EDC4: variants seen among roughly 807,000 people sequenced by gnomAD.
The protein encoded by EDC4 is enhancer of mRNA-decapping protein 4.
In EDC4, 64 loss-of-function variants were observed where a neutral mutation model predicts 155.8. The observed-to-expected ratio is 0.41, with a 90% CI of 0.34 to 0.51. The LOEUF is 0.51. Among genes scored for constraint, EDC4 ranks in the 20% least tolerant of loss-of-function variants. The pLI, the probability that EDC4 is intolerant of heterozygous loss-of-function variation, is 0.19. For missense variants in EDC4, 1,303 were observed against 1,812.5 expected (o/e 0.72, Z 5.10); for synonymous variants, 684 against 716.8 (o/e 0.95, Z 0.73).
Position 67,878,401 on chromosome 16 carries a change from C to G in EDC4, c.1046C>G (p.Ser349Cys). The change falls in exon 9 of 29, where the codon TCC (serine) becomes TGC (cysteine). Residue 349 changes from serine to cysteine, a missense_variant. This residue lies in a region of EDC4 where 235 missense variants were observed against 367.7 expected (regional missense o/e 0.64). Coordinates refer to ENST00000358933, the MANE Select transcript of EDC4 (RefSeq NM_014329.5). This position sits in a 1 kb window ranked among gnomAD's most constrained non-coding sequence, Gnocchi z 5.2. ...AAACCTCATGATGGGCGGCCCCTCT[C>G]CTGCCTCCTGTTCTGTGACAACCAT... ...EWKPHDGRPL[S>C]CLLFCDNHKK... 2 of 1,614,218 alleles carry G rather than the reference C, an allele frequency of 1.2e-6. No individual in the cohort carries two copies. Among genetic ancestry groups the G allele is most frequent in the Non-Finnish European group, 1.7e-6 (2 of 1,180,036 alleles).
rs2058066328 is a variant in EDC4, at chr16:67,881,198, C to A, written c.2636+18C>A. On this transcript the variant is annotated intron_variant, in intron 19 of 28. Transcript: ENST00000358933. The surrounding 1 kb of genome is among the most constrained non-coding windows in gnomAD (Gnocchi z 5.4). ...GAGCAAAGGTGGGAGCCACTCTACA[C>A]CATTGCCCTCATGGGGGGATGGGCA... 12 of 1,614,110 alleles carry A rather than the reference C, an allele frequency of 7.4e-6. No homozygotes were observed. The highest frequency in any genetic ancestry group is 1.0e-5 in the Non-Finnish European group (12 of 1,180,018).
At position 67,877,588 on chromosome 16, in the gene EDC4, A is replaced by C; in HGVS notation, c.721A>C (p.Ile241Leu). ...TCGCAGGATCATCTGGTGCCCCTTC[A>C]TCCCTGAGGAGAGCGAAGACTGCTG... ...HFRRIIWCPFIPEESEDCCEE... is the reference protein window; with the variant it reads ...HFRRIIWCPFLPEESEDCCEE... Residue 241 changes from isoleucine to leucine, a missense_variant, in exon 6 of 29, where the codon ATC (isoleucine) becomes CTC (leucine). By Grantham distance (5) the Ile-to-Leu change is conservative (BLOSUM62 2). Around this residue, in one of 5 missense-constraint regions of EDC4, gnomAD observed 235 missense variants for 367.7 expected, o/e 0.64. Transcript: ENST00000358933. This position sits in a 1 kb window ranked among gnomAD's most constrained non-coding sequence, Gnocchi z 4.9. 1 of 1,614,198 alleles carries C rather than the reference A, an allele frequency of 6.2e-7. No homozygotes were observed. Among genetic ancestry groups the C allele is most frequent in the Non-Finnish European group, 8.5e-7 (1 of 1,180,034 alleles).
intron 1 of EDC4, 57 bp from the exon 2 acceptor site, chr16:67,875,888 G>GGAGA: frequency 6.3e-7 from 1 of 1,576,332 alleles, no homozygotes. Flanking sequence ...CTCTGAAAGG[G>GGAGA]GAGAGGCTTG....
Position 67,877,699 on chromosome 16 carries a change from G to A in EDC4, c.790-42G>A, listed in dbSNP as rs1044023927. ...GCGAAGAGGCGCCAGAGAAGCCATA[G>A]TGTGGGGTTGGGCTGCACACTCACC... On this transcript the variant is annotated intron_variant, in intron 6 of 28. Coordinates refer to ENST00000358933, the MANE Select transcript of EDC4 (RefSeq NM_014329.5). The surrounding 1 kb of genome is among the most constrained non-coding windows in gnomAD (Gnocchi z 4.9). The A allele has an allele frequency of 3.7e-6, 6 of 1,614,040 alleles. No homozygotes were observed. Among genetic ancestry groups the A allele is most frequent in the African/African-American group, 2.7e-5 (2 of 74,942 alleles).
At position 67,882,038 on chromosome 16, in the gene EDC4, C is replaced by T. The variant is rs1213062384; in HGVS notation, c.3089C>T (p.Ala1030Val). Reference sequence around the variant, plus strand: ...CAGCTGACACAACAGTTGTCCCAAGCACTGTCGTCAGCTGTAGCTGGGCGG... The same window carrying T: ...CAGCTGACACAACAGTTGTCCCAAGTACTGTCGTCAGCTGTAGCTGGGCGG... ...QEQLTQQLSQ[A>V]LSSAVAGRLE... The change falls in exon 23 of 29, where the codon GCA (alanine) becomes GTA (valine). Residue 1030 changes from alanine to valine, a missense_variant. This residue lies in a region of EDC4 where 527 missense variants were observed against 757.0 expected (regional missense o/e 0.70). Transcript: ENST00000358933. The surrounding 1 kb of genome is among the most constrained non-coding windows in gnomAD (Gnocchi z 7.2). 2.5e-6 allele frequency: 4 copies of T among 1,613,000 alleles called. No homozygotes were observed. The highest frequency in any genetic ancestry group is 3.4e-6 in the Non-Finnish European group (4 of 1,179,722).
At position 67,876,611 on chromosome 16, in the gene EDC4, G is replaced by A; in HGVS notation, c.351+12G>A. 2 of 1,613,782 alleles carry A rather than the reference G, an allele frequency of 1.2e-6. No individual in the cohort carries two copies. The highest frequency in any genetic ancestry group is 3.3e-5 in the Admixed American group (2 of 59,968). ...GGGGAAGCAACAAGGTAGGTACTGG[G>A]ATGCTGTGGCATATATAATGTACGG... On this transcript the variant is annotated intron_variant, in intron 3 of 28. Transcript: ENST00000358933. The surrounding 1 kb of genome is among the most constrained non-coding windows in gnomAD (Gnocchi z 5.8).
rs758962341 is a variant in EDC4 at position 67,880,508 on chromosome 16, C to G, written c.2098-49C>G. ...AATGCCTCGTCTCTGTGCCCCCCAT[C>G]TCTGCCTCACTTCCTGTCACTTAAG... On this transcript the variant is annotated intron_variant, in intron 17 of 28. Coordinates refer to ENST00000358933, the MANE Select transcript of EDC4 (RefSeq NM_014329.5). The surrounding 1 kb of genome is among the most constrained non-coding windows in gnomAD (Gnocchi z 5.2). 6.3e-7 allele frequency: 1 copy of G among 1,592,750 alleles called. No individual in the cohort carries two copies. Among genetic ancestry groups the G allele is most frequent in the Admixed American group, 1.7e-5 (1 of 59,132 alleles).
Position 67,878,821 on chromosome 16 carries a change from C to G in EDC4, c.1269C>G (p.Leu423=). Residue 423 remains leucine (L), a synonymous_variant, in exon 11 of 29, where the codon CTC becomes CTG. Coordinates refer to ENST00000358933, the MANE Select transcript of EDC4 (RefSeq NM_014329.5). This position sits in a 1 kb window ranked among gnomAD's most constrained non-coding sequence, Gnocchi z 5.2. The part of the protein sequence containing the change: ...CLDLSAEYLI[L]SDVQRKVLYV... ...ACCTCTCAGCAGAATACCTGATTCT[C>G]AGCGATGTGCAACGGAAGGTAGGCT... 1 of 1,613,912 alleles carries G rather than the reference C, an allele frequency of 6.2e-7. No homozygotes were observed. The highest frequency in any genetic ancestry group is 8.5e-7 in the Non-Finnish European group (1 of 1,180,028).
In EDC4 at chr16:67,877,611, C is replaced by T; in HGVS notation, c.744C>T (p.Cys248=). 2 of 1,614,204 alleles carry T rather than the reference C, an allele frequency of 1.2e-6. No homozygotes were observed. The highest frequency in any genetic ancestry group is 1.7e-6 in the Non-Finnish European group (2 of 1,180,034). Residue 248 remains cysteine, a synonymous_variant, in exon 6 of 29, where the codon TGC becomes TGT. Coordinates refer to ENST00000358933, the MANE Select transcript of EDC4 (RefSeq NM_014329.5). The surrounding 1 kb of genome is among the most constrained non-coding windows in gnomAD (Gnocchi z 4.9). The part of the protein sequence containing the change: ...CPFIPEESED[C]CEESSPTVAL... Reference sequence around the variant, plus strand: ...TCATCCCTGAGGAGAGCGAAGACTGCTGTGAGGAGAGCAGCCCAACAGTGG... The same window carrying T: ...TCATCCCTGAGGAGAGCGAAGACTGTTGTGAGGAGAGCAGCCCAACAGTGG...
chr16:67,878,351 T>C lies in EDC4; in HGVS notation c.1005-9T>C, dbSNP rs778018530. ...CACTCACTCAGGCCCCTCATCTGCC[T>C]ACCTGCAGGTGTCTGCACGAGTGGA... On this transcript the variant is annotated splice_polypyrimidine_tract_variant and intron_variant, in intron 8 of 28. Transcript: ENST00000358933. The surrounding 1 kb of genome is among the most constrained non-coding windows in gnomAD (Gnocchi z 5.2). The C allele has an allele frequency of 1.2e-6, 2 of 1,614,230 alleles. No homozygotes were observed. The highest frequency in any genetic ancestry group is 3.3e-5 in the Admixed American group (2 of 60,026).
Position 67,882,075 on chromosome 16 carries a change from C to T in EDC4, c.3126C>T (p.Ser1042=). The T allele has an allele frequency of 6.2e-7, 1 of 1,613,766 alleles. No individual in the cohort carries two copies. Residue 1042 remains serine (S), a synonymous_variant, in exon 23 of 29, where the codon AGC becomes AGT. Coordinates refer to ENST00000358933, the MANE Select transcript of EDC4 (RefSeq NM_014329.5). This position sits in a 1 kb window ranked among gnomAD's most constrained non-coding sequence, Gnocchi z 7.2. ...SSAVAGRLER[S]IRDEIKKTVP... is the part of the protein sequence containing the mutation. ...CTGTAGCTGGGCGGCTAGAGCGCAG[C>T]ATACGGGATGAGATCAAGAAGACAG...
chr16:67,884,419 A>G lies in EDC4; in HGVS notation c.*271A>G, dbSNP rs1361233358. On this transcript the variant is annotated 3_prime_UTR_variant, in exon 29 of 29. Coordinates refer to ENST00000358933, the MANE Select transcript of EDC4 (RefSeq NM_014329.5). This position sits in a 1 kb window ranked among gnomAD's most constrained non-coding sequence, Gnocchi z 4.1. ...TGACACCACTTGAGTGGAATTTTCC[A>G]TGTTCCTTTTTACCTCTAATTTGGA... 3 of 540,414 alleles carry G rather than the reference A, an allele frequency of 5.6e-6. No homozygotes were observed. Among genetic ancestry groups the G allele is most frequent in the South Asian group, 5.2e-5 (2 of 38,418 alleles). The allele number at this position is 540,414 out of a possible 1,614,324, so 33.5% of individuals were successfully genotyped here. A position where few individuals can be genotyped will look rare whatever the true frequency, so the allele number is the denominator to read the frequency against.
chr16:67,877,849 AGCCTGTGACT>A lies in EDC4; in HGVS notation c.894+10_894+19del, dbSNP rs754675491. 1.6e-5 allele frequency: 26 copies of A among 1,613,794 alleles called. 2 individuals are homozygous for A. In the South Asian group the frequency reaches 2.9e-4, roughly 18 times the overall value. ...TGTGGTAAAAGGTCATAGCACGGTA[AGCCTGTGACT>A]GCCTGCCTCCCCTGCCCTCCCCACT... On this transcript the variant is annotated splice_donor_5th_base_variant and intron_variant, in intron 7 of 28. Coordinates refer to ENST00000358933, the MANE Select transcript of EDC4 (RefSeq NM_014329.5). This position sits in a 1 kb window ranked among gnomAD's most constrained non-coding sequence, Gnocchi z 4.9.
chr16:67,882,011 A>T lies in EDC4; in HGVS notation c.3062A>T (p.Glu1021Val). 1.2e-6 allele frequency: 2 copies of T among 1,611,738 alleles called. No individual in the cohort carries two copies. The highest frequency in any genetic ancestry group is 1.7e-6 in the Non-Finnish European group (2 of 1,179,236). ...CAGCAGCGGGGAGGGCAGCTGCAGGAGCAGCTGACACAACAGTTGTCCCAA... is the reference window on the plus strand; with the variant it reads ...CAGCAGCGGGGAGGGCAGCTGCAGGTGCAGCTGACACAACAGTTGTCCCAA... The part of the protein sequence containing the change: ...EGQQRGGQLQ[E>V]QLTQQLSQAL... The change falls in exon 23 of 29, where the codon GAG becomes GTG. Residue 1021 changes from glutamate to valine, a missense_variant. This residue lies in a region of EDC4 where 527 missense variants were observed against 757.0 expected (regional missense o/e 0.70). Transcript: ENST00000358933. The surrounding 1 kb of genome is among the most constrained non-coding windows in gnomAD (Gnocchi z 7.2).
Position 67,880,841 on chromosome 16 carries a change from G to T in EDC4, c.2382G>T (p.Gly794=). 1.2e-6 allele frequency: 2 copies of T among 1,613,946 alleles called. No homozygotes were observed. The highest frequency in any genetic ancestry group is 1.7e-6 in the Non-Finnish European group (2 of 1,179,990). The change falls in exon 18 of 29, where the codon GGG becomes GGT. Residue 794 remains glycine (G), a synonymous_variant. Coordinates refer to ENST00000358933, the MANE Select transcript of EDC4 (RefSeq NM_014329.5). This position sits in a 1 kb window ranked among gnomAD's most constrained non-coding sequence, Gnocchi z 5.2. Reference sequence around the variant, plus strand: ...GGCCCGAGCTCGGCCCCCAGCTCGGGCTTGATGGAGGCCCTGGGGATGGAG... The same window carrying T: ...GGCCCGAGCTCGGCCCCCAGCTCGGTCTTGATGGAGGCCCTGGGGATGGAG... ...RPGPELGPQL[G]LDGGPGDGDR...
chr16:67,876,684 G>A lies in EDC4; in HGVS notation c.351+85G>A. The A allele has an allele frequency of 6.3e-7, 1 of 1,575,990 alleles. No homozygotes were observed. Among genetic ancestry groups the A allele is most frequent in the South Asian group, 1.2e-5 (1 of 86,946 alleles). ...CTCCCTCATGCTGCCAGTTCCTATGGGGACCACCTTGACACTTTCCCAGTT... is the reference window on the plus strand; with the variant it reads ...CTCCCTCATGCTGCCAGTTCCTATGAGGACCACCTTGACACTTTCCCAGTT... On this transcript the variant is annotated intron_variant, in intron 3 of 28. Coordinates refer to ENST00000358933, the MANE Select transcript of EDC4 (RefSeq NM_014329.5). The surrounding 1 kb of genome is among the most constrained non-coding windows in gnomAD (Gnocchi z 5.8).
Position 67,879,579 on chromosome 16 carries a change from C to G in EDC4, c.1634-8C>G. ...GAGATCTAACTCAAGTGGCAACTTG[C>G]CCTGCAGCATTTGGAGAGTCTCGGC... On this transcript the variant is annotated splice_region_variant and splice_polypyrimidine_tract_variant and intron_variant, in intron 14 of 28. Transcript: ENST00000358933. This position sits in a 1 kb window ranked among gnomAD's most constrained non-coding sequence, Gnocchi z 6.0. 2 of 1,613,760 alleles carry G rather than the reference C, an allele frequency of 1.2e-6. No homozygotes were observed. The highest frequency in any genetic ancestry group is 1.7e-6 in the Non-Finnish European group (2 of 1,179,746).
chr16:67,880,212 G>A lies in EDC4; in HGVS notation c.2093G>A (p.Gly698Asp), dbSNP rs1300545017. ...PADKLTPKGP[G>D]QVPTATSALS... is the part of the protein sequence containing the mutation. Reference sequence around the variant, plus strand: ...GACAAACTGACTCCCAAGGGGCCGGGCCAGGTGTGTGACTGGGTGTGTGTG... The same window carrying A: ...GACAAACTGACTCCCAAGGGGCCGGACCAGGTGTGTGACTGGGTGTGTGTG... The change falls in exon 17 of 29, where the codon GGC becomes GAC. Residue 698 changes from glycine (G) to aspartate (D), a missense_variant. Gly to Asp is a moderately conservative substitution (Grantham distance 94). Coordinates refer to ENST00000358933, the MANE Select transcript of EDC4 (RefSeq NM_014329.5). The surrounding 1 kb of genome is among the most constrained non-coding windows in gnomAD (Gnocchi z 5.2). 1 of 1,603,444 alleles carries A rather than the reference G, an allele frequency of 6.2e-7. No homozygotes were observed. Among genetic ancestry groups the A allele is most frequent in the Non-Finnish European group, 8.5e-7 (1 of 1,176,290 alleles).
At position 67,879,585 on chromosome 16, in the gene EDC4, A is replaced by G. The variant is rs1403993241; in HGVS notation, c.1634-2A>G. The G allele has an allele frequency of 6.2e-7, 1 of 1,613,730 alleles. No individual in the cohort carries two copies. Among genetic ancestry groups the G allele is most frequent in the African/African-American group, 1.3e-5 (1 of 74,916 alleles). On this transcript the variant is annotated splice_acceptor_variant, in intron 14 of 28. Transcript: ENST00000358933. LOFTEE classifies it high-confidence loss of function. The surrounding 1 kb of genome is among the most constrained non-coding windows in gnomAD (Gnocchi z 6.0). ...TAACTCAAGTGGCAACTTGCCCTGC[A>G]GCATTTGGAGAGTCTCGGCCCGAAC...
Sources: gnomAD v4.1 joint callset for allele counts on GRCh38, gnomAD v4.1.1 for gene constraint, gnomAD v4.1.1 regional missense constraint, Gnocchi (gnomAD v3.1) non-coding constraint, MANE v1.5 for transcripts, NCBI Gene and HGNC (gene_info 2026-07-23, HGNC 2026-07-21) for gene names.